TBC1D12: variants seen among roughly 807,000 people sequenced by gnomAD.
TBC1D12 encodes TBC1 domain family, member 12.
Under a neutral mutation model 86.7 loss-of-function variants are expected in TBC1D12, and 56 were observed. The ratio of observed to expected loss-of-function variants is 0.65; its 90% CI spans 0.52 to 0.81. The LOEUF (loss-of-function observed/expected upper bound fraction) is 0.81, where lower values mean the gene tolerates loss of function less well. Among genes scored for constraint, TBC1D12 ranks in the 30% least tolerant of loss-of-function variants. The pLI is 0.00. For synonymous variants in TBC1D12, 421 were observed against 411.7 expected, an observed-to-expected ratio of 1.02 and a Z score of -0.27; for missense variants, 1,023 against 1,038.8, an observed-to-expected ratio of 0.98 and a Z score of 0.21.
At chr10:94,419,823 A>G (rs1236760232) in intron 1 of TBC1D12, among the ~76,000 whole-genome samples, 4 of 152,198 alleles carry the variant, frequency 2.6e-5, no homozygotes, top group Non-Finnish European at 4.4e-5. Context: ...CAAAGAAAAA[A>G]GTGAATCTCC....
chr10:94,515,598 C>T (rs1370144979), intron 9 of TBC1D12, among the ~76,000 whole-genome samples: 4 of 152,108 alleles, frequency 2.6e-5, no homozygotes, highest in African/African-American at 9.7e-5. Context: ...ATCCACCCGC[C>T]TCGGCCTCCC....
chr10:94,515,628 C>T (rs879435501), intron 9 of TBC1D12, among the ~76,000 whole-genome samples: 3 of 152,178 alleles, frequency 2.0e-5, no homozygotes, highest in Non-Finnish European at 2.9e-5. Context: ...GGATTACAGG[C>T]GTGAGCCACC....
At chr10:94,489,205 T>G (rs1404019502) in intron 3 of TBC1D12, among the ~76,000 whole-genome samples, 1 of 152,220 alleles carries the variant, frequency 6.6e-6, no homozygotes, top group East Asian at 1.9e-4. Flanking sequence ...GCGCTTCCCC[T>G]CTGGCTAGTG....
intron 9 of TBC1D12, among the ~76,000 whole-genome samples, chr10:94,517,509 TA>T (rs1842030934): frequency 2.0e-5 from 3 of 152,182 alleles, no homozygotes; most frequent in Non-Finnish European, 4.4e-5. Context: ...ATGTTTTAAA[TA>T]TTTTTTTTTA....
chr10:94,493,413 A>G lies in TBC1D12; in HGVS notation c.1260A>G (p.Glu420=), dbSNP rs778984901. The part of the protein sequence containing the change: ...SVEEALRHRQ[E]YDEMVAEAKK... ...AAGAAGCTTTACGTCACCGACAAGA[A>G]TACGATGAGATGGTGGCTGAGGCTA... Residue 420 remains glutamate, a synonymous_variant, in exon 4 of 13, where the codon GAA becomes GAG. Coordinates refer to ENST00000225235, the MANE Select transcript of TBC1D12 (RefSeq NM_015188.2). 3.1e-6 allele frequency: 5 copies of G among 1,613,212 alleles called. No individual in the cohort carries two copies.
At chr10:94,421,820 A>G (rs1254831860) in intron 1 of TBC1D12, among the ~76,000 whole-genome samples, 1 of 152,192 alleles carries the variant, frequency 6.6e-6, no homozygotes, top group African/African-American at 2.4e-5. Flanking sequence ...GCCCATTTGT[A>G]TACCATCTTT....
intron 3 of TBC1D12, among the ~76,000 whole-genome samples, chr10:94,490,035 G>T (rs2056225647): frequency 6.6e-6 from 1 of 152,188 alleles, no homozygotes. Flanking sequence ...ATCACCTGAG[G>T]TCAGGAGTTT....
intron 2 of TBC1D12, among the ~76,000 whole-genome samples, chr10:94,450,578 A>G (rs1231956746): frequency 1.3e-5 from 2 of 152,122 alleles, no homozygotes; most frequent in African/African-American, 4.8e-5. Context: ...GAGATATCAA[A>G]TTTATGTATT....
At chr10:94,516,719 C>G (rs1842003489) in intron 9 of TBC1D12, among the ~76,000 whole-genome samples, 1 of 151,870 alleles carries the variant, frequency 6.6e-6, no homozygotes, top group African/African-American at 2.4e-5. Flanking sequence ...GTTTAATTAT[C>G]TCAGTAACTC....
chr10:94,517,057 T>G (rs1480689744), intron 9 of TBC1D12, among the ~76,000 whole-genome samples: 2 of 151,866 alleles, frequency 1.3e-5, no homozygotes, highest in Admixed American at 1.3e-4. Flanking sequence ...ACACTAGACT[T>G]TAAAAAAAGA....
intron 7 of TBC1D12, chr10:94,509,782 A>G (rs1010056023): frequency 3.4e-6 from 1 of 291,906 alleles, no homozygotes; most frequent in Non-Finnish European, 6.3e-6. Flanking sequence ...CTCTCTGATG[A>G]TTTTTTAAAT....
intron 1 of TBC1D12, among the ~76,000 whole-genome samples, chr10:94,441,548 T>C (rs183143316): frequency 8.1e-4 from 124 of 152,314 alleles, no homozygotes; most frequent in African/African-American, 2.8e-3. Context: ...TTTCTGTTGA[T>C]GATTCTTCTA....
intron 2 of TBC1D12, among the ~76,000 whole-genome samples, chr10:94,465,050 ATTC>A (rs1167537443): frequency 2.0e-5 from 3 of 152,212 alleles, no homozygotes; most frequent in African/African-American, 7.2e-5. Context: ...AATTGTGGGC[ATTC>A]TTCTCTGATG....
chr10:94,468,366 C>T (rs550949192), intron 2 of TBC1D12, among the ~76,000 whole-genome samples: 4 of 152,294 alleles, frequency 2.6e-5, no homozygotes, highest in Non-Finnish European at 5.9e-5. Context: ...TGCTGGTCTA[C>T]TGACAACAAA....
intron 2 of TBC1D12, among the ~76,000 whole-genome samples, chr10:94,453,460 A>G (rs2055582221): frequency 6.6e-6 from 1 of 152,174 alleles, no homozygotes; most frequent in Non-Finnish European, 1.5e-5. Flanking sequence ...GAATTTTGTT[A>G]TAATTGCTCT....
intron 11 of TBC1D12, among the ~76,000 whole-genome samples, chr10:94,522,947 G>A (rs1016100634): frequency 8.6e-5 from 13 of 151,224 alleles, no homozygotes; most frequent in Non-Finnish European, 1.8e-4. Context: ...GGGAGGCTGA[G>A]GCAGGAGAAT....
intron 2 of TBC1D12, among the ~76,000 whole-genome samples, chr10:94,465,900 GCATATATA>G (rs1311570387): frequency 6.7e-5 from 10 of 148,542 alleles, no homozygotes; most frequent in Non-Finnish European, 8.9e-5. Context: ...ACATACATAC[GCATATATA>G]CATATATACG....
chr10:94,402,983 G>A lies in TBC1D12; in HGVS notation c.370G>A (p.Asp124Asn). 1.3e-6 allele frequency: 2 copies of A among 1,575,846 alleles called. No individual in the cohort carries two copies. The highest frequency in any genetic ancestry group is 2.3e-5 in the South Asian group (2 of 86,836). Residue 124 changes from aspartate to asparagine, a missense_variant, in exon 1 of 13, where the codon GAT becomes AAT. Physicochemically the swap from Asp to Asn is conservative, Grantham distance 23. Transcript: ENST00000225235. ...GSKHRGAEVA[D>N]GRAPRHEGMT... ...CAAACACCGCGGCGCGGAGGTGGCT[G>A]ATGGCCGCGCGCCGCGGCACGAAGG...
At chr10:94,517,329 G>A (rs1842024364) in intron 9 of TBC1D12, among the ~76,000 whole-genome samples, 1 of 152,178 alleles carries the variant, frequency 6.6e-6, no homozygotes, top group African/African-American at 2.4e-5. Context: ...AGTGAGCTGA[G>A]GTTGTGCCAC....
Sources: allele counts gnomAD v4.1 joint callset (sites outside exome capture counted in the v4.1 genomes callset), GRCh38; gene constraint gnomAD v4.1.1; transcripts MANE v1.5; gene names NCBI Gene and HGNC (gene_info 2026-07-23, HGNC 2026-07-21).